Variants in FNDC3B observed in about 807,000 individuals in gnomAD.
FNDC3B encodes fibronectin type III domain containing 3B.
Under a neutral mutation model 151.5 loss-of-function variants are expected in FNDC3B, and 12 were observed. The ratio of observed to expected loss-of-function variants is 0.08; its 90% CI spans 0.05 to 0.13. The LOEUF is 0.13. FNDC3B is among the 10% of genes least tolerant of loss of function. FNDC3B has a pLI of 1.00. For missense variants in FNDC3B, 1,214 were observed against 1,505.3 expected (o/e 0.81, Z 3.20); for synonymous variants, 528 against 549.0 (o/e 0.96, Z 0.54).
chr3:172,216,668 G>A (rs1560022671), intron 3 of FNDC3B, among the ~76,000 whole-genome samples: 1 of 152,132 alleles, frequency 6.6e-6, no homozygotes, highest in Non-Finnish European at 1.5e-5. Context: ...GCGAGACCCT[G>A]TCTCAAAATA....
At chr3:172,345,351 T>C (rs527977727) in intron 19 of FNDC3B, among the ~76,000 whole-genome samples, 4 of 152,360 alleles carry the variant, frequency 2.6e-5, no homozygotes, top group African/African-American at 9.6e-5. Flanking sequence ...ACTTTTCAGT[T>C]ACTATCTGCC....
intron 3 of FNDC3B, among the ~76,000 whole-genome samples, chr3:172,162,088 C>T (rs1236223349): frequency 6.6e-6 from 1 of 151,884 alleles, no homozygotes; most frequent in Non-Finnish European, 1.5e-5. Context: ...GCGATTTCTC[C>T]TTTCTCAGCC....
chr3:172,226,797 G>A lies in FNDC3B; in HGVS notation c.188-74G>A, dbSNP rs574714642. 5.1e-6 allele frequency: 5 copies of A among 981,110 alleles called. No homozygotes were observed. The African/African-American group carries it at 6.4e-5, about 12-fold the overall frequency. 60.8% of individuals were successfully genotyped at this position (981,110 alleles called of 1,614,324 possible). A position where few individuals can be genotyped will look rare whatever the true frequency, so the allele number is the denominator to read the frequency against. ...TCATTAATTATCTTCAGTTTGGATAGTACATTGAAAACATTAATTATTTTG... is the reference window on the plus strand; with the variant it reads ...TCATTAATTATCTTCAGTTTGGATAATACATTGAAAACATTAATTATTTTG... On this transcript the variant is annotated intron_variant, in intron 3 of 25. Coordinates refer to ENST00000415807, the MANE Select transcript of FNDC3B (RefSeq NM_022763.4).
At chr3:172,354,278 C>T (rs931252833) in intron 22 of FNDC3B, among the ~76,000 whole-genome samples, 10 of 151,716 alleles carry the variant, frequency 6.6e-5, no homozygotes, top group African/African-American at 2.2e-4. Context: ...AAATTGTTTC[C>T]AATTTTAATC....
intron 1 of FNDC3B, among the ~76,000 whole-genome samples, chr3:172,050,477 G>A (rs772376469): frequency 1.5e-4 from 23 of 151,814 alleles, no homozygotes; most frequent in Admixed American, 3.9e-4. Context: ...TCCGTCTCCT[G>A]GGTTCATGTG....
chr3:172,300,450 C>T (rs1340879320), intron 9 of FNDC3B, among the ~76,000 whole-genome samples: 1 of 141,612 alleles, frequency 7.1e-6, no homozygotes, highest in Non-Finnish European at 1.5e-5. Flanking sequence ...ACCATCCTGT[C>T]TGTTGTTCCA....
chr3:172,212,204 A>G (rs180682376), intron 3 of FNDC3B, among the ~76,000 whole-genome samples: 1 of 152,352 alleles, frequency 6.6e-6, no homozygotes, highest in East Asian at 1.9e-4. Context: ...AGCATATTCA[A>G]TTAAATATCC....
intron 1 of FNDC3B, among the ~76,000 whole-genome samples, chr3:172,076,308 A>C (rs1040544045): frequency 6.6e-6 from 1 of 152,212 alleles, no homozygotes; most frequent in Non-Finnish European, 1.5e-5. Context: ...TTGGTGCTTG[A>C]GGACACTGCA....
Position 172,352,834 on chromosome 3 carries a change from G to A in FNDC3B, c.2546G>A (p.Ser849Asn). ...AATCAAGCAGGGGCAGGGCCGTACA[G>A]TGAACTTGTCCTTTGCCAGACGCCA... ...AFNQAGAGPY[S>N]ELVLCQTPAS... The change falls in exon 22 of 26, where the codon AGT becomes AAT. Residue 849 changes from serine (S) to asparagine (N), a missense_variant. Physicochemically the swap from Ser to Asn is conservative, Grantham distance 46. Coordinates refer to ENST00000415807, the MANE Select transcript of FNDC3B (RefSeq NM_022763.4). The surrounding 1 kb of genome is among the most constrained non-coding windows in gnomAD (Gnocchi z 4.2). 6.2e-7 allele frequency: 1 copy of A among 1,614,112 alleles called. No homozygotes were observed. The highest frequency in any genetic ancestry group is 8.5e-7 in the Non-Finnish European group (1 of 1,180,016).
intron 3 of FNDC3B, among the ~76,000 whole-genome samples, chr3:172,173,009 T>C (rs1723359297): frequency 6.6e-6 from 1 of 152,224 alleles, no homozygotes; most frequent in South Asian, 2.1e-4. Flanking sequence ...GGCACTGAAA[T>C]GGTTCTTTAG....
intron 3 of FNDC3B, chr3:172,134,226 C>G: frequency 2.5e-6 from 1 of 408,136 alleles, no homozygotes; most frequent in Non-Finnish European, 5.0e-6. Context: ...CAGCTCCTAG[C>G]ACACTTCTAG....
At chr3:172,110,816 A>G (rs1304219667) in intron 1 of FNDC3B, among the ~76,000 whole-genome samples, 6 of 152,108 alleles carry the variant, frequency 3.9e-5, no homozygotes, top group African/African-American at 1.4e-4. Flanking sequence ...TGCGATTTTG[A>G]AGAAACATTA....
rs372042819 is a variant in FNDC3B at position 172,247,822 on chromosome 3, A to G, written c.508+46A>G. ...GTCAGGAGCCGTTGAAACTGATTAC[A>G]GCGTTTCAATAGTTCAAGGCGGTCC... On this transcript the variant is annotated intron_variant, in intron 5 of 25. Transcript: ENST00000415807. The G allele has an allele frequency of 1.7e-4, 278 of 1,597,566 alleles. 1 individual carries two copies. Among genetic ancestry groups the G allele is most frequent in the Non-Finnish European group, 2.3e-4 (263 of 1,165,764 alleles).
intron 25 of FNDC3B, among the ~76,000 whole-genome samples, chr3:172,383,887 TG>T (rs1735575521): frequency 6.6e-6 from 1 of 152,218 alleles, no homozygotes; most frequent in Admixed American, 6.5e-5. Context: ...TATAATATTA[TG>T]TATTCCATTA....
intron 3 of FNDC3B, among the ~76,000 whole-genome samples, chr3:172,186,101 G>C (rs1724162856): frequency 6.6e-6 from 1 of 152,116 alleles, no homozygotes; most frequent in African/African-American, 2.4e-5. Context: ...TCAAAAGTTG[G>C]GAAGCTTCAC....
chr3:172,262,535 A>G (rs1459303311), intron 6 of FNDC3B, among the ~76,000 whole-genome samples: 1 of 152,156 alleles, frequency 6.6e-6, no homozygotes, highest in Admixed American at 6.6e-5. Flanking sequence ...ATATGACTTG[A>G]AGTTGTTAAA....
chr3:172,041,987 G>A (rs1716103980), intron 1 of FNDC3B, among the ~76,000 whole-genome samples: 1 of 151,988 alleles, frequency 6.6e-6, no homozygotes, highest in African/African-American at 2.4e-5. Context: ...TGAGAATGAG[G>A]CATAGTTGAT....
At chr3:172,179,715 C>G (rs762984358) in intron 3 of FNDC3B, among the ~76,000 whole-genome samples, 1 of 151,916 alleles carries the variant, frequency 6.6e-6, no homozygotes, top group Non-Finnish European at 1.5e-5. Context: ...GACTCCGTCT[C>G]TACAAAAAAT....
intron 3 of FNDC3B, among the ~76,000 whole-genome samples, chr3:172,207,689 T>G (rs892902491): frequency 6.0e-4 from 91 of 152,226 alleles, no homozygotes; most frequent in African/African-American, 2.2e-3. Context: ...GGCTCACACC[T>G]GTAATCCCAG....
Sources: allele counts gnomAD v4.1 joint callset (sites outside exome capture counted in the v4.1 genomes callset), GRCh38; gene constraint gnomAD v4.1.1; non-coding constraint Gnocchi (gnomAD v3.1); transcripts MANE v1.5; gene names NCBI Gene and HGNC (gene_info 2026-07-23, HGNC 2026-07-21).